CNKSR2: variants seen among roughly 807,000 people sequenced by gnomAD.
The protein encoded by CNKSR2 is CNK homolog protein 2.
Under a neutral mutation model 84.4 loss-of-function variants are expected in CNKSR2, and 14 were observed. The ratio of observed to expected loss-of-function variants is 0.17; its 90% CI spans 0.11 to 0.26. CNKSR2 has a LOEUF of 0.26. Ranked by LOEUF, CNKSR2 falls within the 10% of genes least tolerant of loss-of-function variation. CNKSR2 has a pLI of 1.00. For synonymous variants in CNKSR2, 275 were observed against 277.9 expected, an observed-to-expected ratio of 0.99 and a Z score of 0.10; for missense variants, 485 against 771.2, an observed-to-expected ratio of 0.63 and a Z score of 4.40.
chrX:21,619,059 GTTAA>G (rs1457592443), intron 20 of CNKSR2, among the ~76,000 whole-genome samples: 2 of 111,667 alleles, frequency 1.8e-5, no homozygotes, highest in African/African-American at 6.5e-5. Context: ...TTATTTTTAT[GTTAA>G]TTACTTATCA....
intron 5 of CNKSR2, among the ~76,000 whole-genome samples, chrX:21,483,225 A>G (rs902202184): frequency 9.0e-6 from 1 of 111,526 alleles, no homozygotes; most frequent in Non-Finnish European, 1.9e-5. Flanking sequence ...ACTATGGAAT[A>G]CTATGCAGCC....
At chrX:21,468,126 G>T (rs779827721) in intron 4 of CNKSR2, among the ~76,000 whole-genome samples, 19 of 110,476 alleles carry the variant, frequency 1.7e-4, no homozygotes, top group Non-Finnish European at 3.2e-4. Context: ...TAACTTATTT[G>T]TGTGAATTCC....
intron 1 of CNKSR2, among the ~76,000 whole-genome samples, chrX:21,408,953 A>G (rs918214617): frequency 1.8e-5 from 2 of 108,640 alleles, no homozygotes; most frequent in Non-Finnish European, 3.8e-5. Flanking sequence ...GACTTTACAA[A>G]TATCATCTAA....
chrX:21,490,705 C>A, intron 6 of CNKSR2, 127 bp downstream of exon 6: 1 of 695,045 alleles, frequency 1.4e-6, no homozygotes, highest in East Asian at 3.9e-5. Flanking sequence ...TATTTTTTTC[C>A]TGGAGGAGTT....
intron 20 of CNKSR2, among the ~76,000 whole-genome samples, chrX:21,626,103 A>G (rs753293831): frequency 4.5e-5 from 5 of 110,916 alleles, no homozygotes; most frequent in African/African-American, 1.6e-4. Context: ...TGAACACATT[A>G]AGTTCTATGA....
At chrX:21,410,484 G>A (rs1440535549) in intron 1 of CNKSR2, among the ~76,000 whole-genome samples, 1 of 110,969 alleles carries the variant, frequency 9.0e-6, no homozygotes, top group Non-Finnish European at 1.9e-5. Flanking sequence ...ATTTCATTAT[G>A]CTATGTTACA....
chrX:21,571,265 G>A (rs1402319978), intron 13 of CNKSR2, among the ~76,000 whole-genome samples: 2 of 112,070 alleles, frequency 1.8e-5, no homozygotes, highest in Non-Finnish European at 3.8e-5. Context: ...TTTAAATATT[G>A]TGAGAATTAC....
At chrX:21,581,259 A>G (rs1416556773) in intron 13 of CNKSR2, among the ~76,000 whole-genome samples, 2 of 112,075 alleles carry the variant, frequency 1.8e-5, no homozygotes, top group African/African-American at 6.5e-5. Context: ...TCTATGAGAC[A>G]TACTAAGAAC....
chrX:21,385,694 A>G (rs1032777961), intron 1 of CNKSR2, among the ~76,000 whole-genome samples: 2 of 111,839 alleles, frequency 1.8e-5, no homozygotes, highest in Non-Finnish European at 3.8e-5. Flanking sequence ...AAAATACCTA[A>G]TATTTCCACC....
At chrX:21,647,949 G>A (rs968265153) in intron 20 of CNKSR2, among the ~76,000 whole-genome samples, 5 of 111,381 alleles carry the variant, frequency 4.5e-5, no homozygotes, top group African/African-American at 1.6e-4. Flanking sequence ...TATCATTGTT[G>A]AGAAAGATAC....
intron 11 of CNKSR2, among the ~76,000 whole-genome samples, chrX:21,547,718 TAACA>T (rs1252404098): frequency 1.3e-4 from 15 of 112,186 alleles, no homozygotes; most frequent in African/African-American, 3.6e-4. Flanking sequence ...ACAGAAATTA[TAACA>T]AACAGTCTCT....
Position 21,497,822 on chromosome X carries a change from T to C in CNKSR2, c.717T>C (p.His239=), listed in dbSNP as rs772687544. The change falls in exon 7 of 22, where the codon CAT becomes CAC. Residue 239 remains histidine (H), a synonymous_variant. Coordinates refer to ENST00000379510, the MANE Select transcript of CNKSR2 (RefSeq NM_014927.5). ...MYIKSTYDGL[H]VITGTTENSP... ...TTAAATCTACATATGATGGCCTCCA[T>C]GTAATTACTGGAACCACAGAAAATG... is the stretch of plus-strand genomic sequence containing the variant. 1.1e-6 allele frequency: 1 copy of C among 941,955 alleles called. No individual in the cohort carries two copies. Among genetic ancestry groups the C allele is most frequent in the Non-Finnish European group, 1.5e-6 (1 of 649,903 alleles). The allele number at this position is 941,955 out of a possible 1,213,427, so 77.6% of individuals were successfully genotyped here.
chrX:21,507,793 A>AT (rs1375866045), intron 8 of CNKSR2, among the ~76,000 whole-genome samples: 1 of 111,645 alleles, frequency 9.0e-6, no homozygotes, highest in African/African-American at 3.3e-5. Context: ...TTAAGCATGA[A>AT]TTTTTTGTAA....
At chrX:21,439,080 G>T (rs2090748514) in intron 3 of CNKSR2, among the ~76,000 whole-genome samples, 1 of 111,265 alleles carries the variant, frequency 9.0e-6, no homozygotes, top group Non-Finnish European at 1.9e-5. Flanking sequence ...CTAAGAACAG[G>T]ATGTTTTGAC....
At chrX:21,544,372 C>A (rs780735183) in intron 11 of CNKSR2, among the ~76,000 whole-genome samples, 23 of 111,596 alleles carry the variant, frequency 2.1e-4, no homozygotes, top group Non-Finnish European at 3.2e-4. Context: ...CAGTTATAAT[C>A]TCTCAGCGTC....
chrX:21,517,432 TC>T (rs748676597), intron 9 of CNKSR2, among the ~76,000 whole-genome samples: 26 of 110,781 alleles, frequency 2.3e-4, no homozygotes, highest in South Asian at 7.7e-4. Flanking sequence ...TTTTTCTCTT[TC>T]CACCCTGTAA....
At chrX:21,544,317 C>G (rs2092002269) in intron 11 of CNKSR2, among the ~76,000 whole-genome samples, 1 of 111,530 alleles carries the variant, frequency 9.0e-6, no homozygotes, top group Non-Finnish European at 1.9e-5. Flanking sequence ...TCCTCTTAAG[C>G]TCCAGTATAA....
intron 5 of CNKSR2, among the ~76,000 whole-genome samples, chrX:21,488,023 G>C (rs1310784624): frequency 8.9e-6 from 1 of 112,268 alleles, no homozygotes; most frequent in Admixed American, 9.4e-5. Context: ...TGATCTTCCT[G>C]TTGGCACTTT....
chrX:21,504,752 A>G (rs935165908), intron 8 of CNKSR2: 1 of 295,613 alleles, frequency 3.4e-6, no homozygotes, highest in Admixed American at 6.1e-5. Context: ...TGGAAGTTTT[A>G]TGTCCTTTTT....
Sources: gnomAD v4.1 joint callset for allele counts (sites outside exome capture counted in the v4.1 genomes callset) on GRCh38, gnomAD v4.1.1 for gene constraint, MANE v1.5 for transcripts, NCBI Gene and HGNC (gene_info 2026-07-23, HGNC 2026-07-21) for gene names.